Variants in ARHGAP33 observed in about 807,000 individuals in gnomAD.
ARHGAP33 encodes the protein rho GTPase-activating protein 33.
Under a neutral mutation model 126.2 loss-of-function variants are expected in ARHGAP33, and 57 were observed. The ratio of observed to expected loss-of-function variants is 0.45; its 90% confidence interval spans 0.36 to 0.56. The LOEUF (loss-of-function observed/expected upper bound fraction) is 0.56. ARHGAP33 is among the 20% of genes least tolerant of loss of function. The pLI, the probability that ARHGAP33 is intolerant of heterozygous loss-of-function variation, is 0.00. For synonymous variants in ARHGAP33, 711 were observed against 755.0 expected (o/e 0.94, Z 0.95); for missense variants, 1,500 against 1,748.3 (o/e 0.86, Z 2.53).
chr19:35,786,685 G>A lies in ARHGAP33; in HGVS notation c.2215G>A (p.Asp739Asn). The change falls in exon 20 of 21, where the codon GAC becomes AAC. Residue 739 changes from aspartate (D) to asparagine (N), a missense_variant. By Grantham distance (23) the Asp-to-Asn change is conservative (BLOSUM62 1). Coordinates refer to ENST00000007510, the MANE Select transcript of ARHGAP33 (RefSeq NM_001366178.1). The surrounding 1 kb of genome is among the most constrained non-coding windows in gnomAD (Gnocchi z 7.0). The part of the protein sequence containing the change: ...PRCLEGLRGL[D>N]FDPLTFRCSS... ...CTGCCTGGAGGGACTCCGGGGGCTG[G>A]ACTTTGATCCCTTAACCTTCCGCTG... The A allele has an allele frequency of 6.5e-7, 1 of 1,535,618 alleles. No individual in the cohort carries two copies. The highest frequency in any genetic ancestry group is 1.2e-5 in the South Asian group (1 of 84,046).
chr19:35,785,214 C>G lies in ARHGAP33; in HGVS notation c.1747C>G (p.Gln583Glu). Residue 583 changes from glutamine (Q) to glutamate (E), a missense_variant, in exon 18 of 21, where the codon CAG becomes GAG. Coordinates refer to ENST00000007510, the MANE Select transcript of ARHGAP33 (RefSeq NM_001366178.1). ...GAGGAAAGGGGAGAGAGGGGAGAAG[C>G]AGCGGAAGCCAGGGGGCAGCAGCTG... Reference protein sequence around the residue: ...ERRKGERGEKQRKPGGSSWKT... With the variant: ...ERRKGERGEKERKPGGSSWKT... 1 of 1,578,566 alleles carries G rather than the reference C, an allele frequency of 6.3e-7. No homozygotes were observed. Among genetic ancestry groups the G allele is most frequent in the Non-Finnish European group, 8.6e-7 (1 of 1,159,066 alleles).
chr19:35,784,115 C>T, intron 15 of ARHGAP33, 57 bp from the exon 16 acceptor site: 1 of 1,518,454 alleles, frequency 6.6e-7, no homozygotes, highest in South Asian at 1.2e-5. Context: ...ATTGCCCTGC[C>T]AGAACCTGCT....
Position 35,787,874 on chromosome 19 carries a change from C to T in ARHGAP33, c.3309C>T (p.Ser1103=). 6.2e-7 allele frequency: 1 copy of T among 1,610,640 alleles called. No individual in the cohort carries two copies. The highest frequency in any genetic ancestry group is 1.3e-5 in the African/African-American group (1 of 74,798). The change falls in exon 21 of 21, where the codon TCC becomes TCT. Residue 1103 remains serine, a synonymous_variant. Coordinates refer to ENST00000007510, the MANE Select transcript of ARHGAP33 (RefSeq NM_001366178.1). ...CCCCCTATTCTGGCCCCACCCGCTC[C>T]TGGAGTCCCTTTCGCTCCATGCCCC... ...EGSPYSGPTR[S]WSPFRSMPPD...
chr19:35,788,056 C>T lies in ARHGAP33; in HGVS notation c.3491C>T (p.Pro1164Leu), dbSNP rs149921370. ...APQHPARRPT[P>L]PEPLYVNLAL... ...CAGCACCCTGCTCGGCGCCCTACAC[C>T]GCCTGAGCCCCTCTACGTCAACCTA... is the stretch of plus-strand genomic sequence containing the variant. The change falls in exon 21 of 21, where the codon CCG (proline) becomes CTG (leucine). Residue 1164 changes from proline to leucine, a missense_variant. This residue lies in a region of ARHGAP33 where 642 missense variants were observed against 634.0 expected (regional missense o/e 1.01). Coordinates refer to ENST00000007510, the MANE Select transcript of ARHGAP33 (RefSeq NM_001366178.1). 1.7e-5 allele frequency: 28 copies of T among 1,611,406 alleles called. No homozygotes were observed. The highest frequency in any genetic ancestry group is 3.3e-5 in the South Asian group (3 of 90,980).
Position 35,781,002 on chromosome 19 carries a change from G to T in ARHGAP33, c.912G>T (p.Gln304His). Residue 304 changes from glutamine (Q) to histidine (H), a missense_variant, in exon 11 of 21, where the codon CAG becomes CAT. By Grantham distance (24) the Gln-to-His change is conservative. Transcript: ENST00000007510. ...GCCCTTCTCGGCAGCGGCTGCGGCAGCGGGGAATCCTGCGACAGAGGGTGT... is the reference window on the plus strand; with the variant it reads ...GCCCTTCTCGGCAGCGGCTGCGGCATCGGGGAATCCTGCGACAGAGGGTGT... ...RSRPSRQRLRQRGILRQRVFG... is the reference protein window; with the variant it reads ...RSRPSRQRLRHRGILRQRVFG... 1 of 1,611,830 alleles carries T rather than the reference G, an allele frequency of 6.2e-7. No individual in the cohort carries two copies. Among genetic ancestry groups the T allele is most frequent in the Non-Finnish European group, 8.5e-7 (1 of 1,179,898 alleles).
intron 16 of ARHGAP33, chr19:35,784,726 C>T: frequency 8.1e-6 from 11 of 1,351,116 alleles, no homozygotes; most frequent in Non-Finnish European, 9.4e-6. Flanking sequence ...GCCAGAGCCG[C>T]TGCCCTCGCT....
In ARHGAP33 at chr19:35,787,540, G is replaced by A. The variant is rs760070364; in HGVS notation, c.2975G>A (p.Gly992Glu). The change falls in exon 21 of 21, where the codon GGA (glycine) becomes GAA (glutamate). Residue 992 changes from glycine to glutamate, a missense_variant. Transcript: ENST00000007510. ...CGGCCCATGGGGACCTCAAGGAGGG[G>A]ACTCCGAGGCCCTGCCCAGGTCAGT... Reference protein sequence around the residue: ...SQRPMGTSRRGLRGPAQVSAQ... With the variant: ...SQRPMGTSRRELRGPAQVSAQ... 6.2e-7 allele frequency: 1 copy of A among 1,611,970 alleles called. No individual in the cohort carries two copies. The highest frequency in any genetic ancestry group is 2.2e-5 in the East Asian group (1 of 44,868).
In ARHGAP33 at chr19:35,787,746, C is replaced by G. The variant is rs1432047872; in HGVS notation, c.3181C>G (p.Gln1061Glu). The stretch of plus-strand genomic sequence containing the variant: ...GTACCCCCTGGGCCCCCCATCCTTC[C>G]AGCCCAGTTCCCCAGCCCCAGTCTG... Reference protein sequence around the residue: ...GLYPLGPPSFQPSSPAPVWRS... With the variant: ...GLYPLGPPSFEPSSPAPVWRS... Residue 1061 changes from glutamine to glutamate, a missense_variant, in exon 21 of 21, where the codon CAG becomes GAG. Physicochemically the swap from Gln to Glu is conservative, Grantham distance 29. Around this residue, in one of 6 missense-constraint regions of ARHGAP33, gnomAD observed 642 missense variants for 634.0 expected, o/e 1.01. Transcript: ENST00000007510. 3.8e-6 allele frequency: 6 copies of G among 1,583,554 alleles called. No individual in the cohort carries two copies. Among genetic ancestry groups the G allele is most frequent in the Admixed American group, 4.0e-5 (2 of 49,844 alleles).
chr19:35,787,083 A>C lies in ARHGAP33; in HGVS notation c.2602+11A>C. The C allele has an allele frequency of 4.4e-6, 7 of 1,599,586 alleles. No individual in the cohort carries two copies. In the South Asian group the frequency reaches 6.7e-5, roughly 15 times the overall value. On this transcript the variant is annotated intron_variant, in intron 20 of 20. Coordinates refer to ENST00000007510, the MANE Select transcript of ARHGAP33 (RefSeq NM_001366178.1). ...CCCAGGGCCCACTCGGTGAGTCCTC[A>C]GCCTACCCCACCCCTGTCCCCGCCA...
At chr19:35,781,349 T>G in intron 12 of ARHGAP33, 97 bp downstream of exon 12, 1 of 1,256,150 alleles carries the variant, frequency 8.0e-7, no homozygotes, top group Non-Finnish European at 1.2e-6. Context: ...TTACCAGGAG[T>G]CAGGAGTGGC....
chr19:35,784,051 A>C (rs1479586656), intron 15 of ARHGAP33, 121 bp from the exon 16 acceptor site: 1 of 750,286 alleles, frequency 1.3e-6, no homozygotes, highest in East Asian at 3.0e-5. Context: ...AGGCGTGATC[A>C]GTTTGAGGTC....
Position 35,782,430 on chromosome 19 carries a change from C to T in ARHGAP33, c.1143C>T (p.Asp381=). 2.5e-6 allele frequency: 4 copies of T among 1,613,344 alleles called. No homozygotes were observed. The South Asian group carries it at 3.3e-5, about 13-fold the overall frequency. ...PELSGPAFLQ[D]IHSVSSLCKL... is the part of the protein sequence containing the mutation. ...TGTCTGGCCCTGCATTCCTGCAGGA[C>T]ATCCACAGCGTGTCCTCCCTCTGCA... Residue 381 remains aspartate, a synonymous_variant, in exon 13 of 21, where the codon GAC becomes GAT. Transcript: ENST00000007510. The surrounding 1 kb of genome is among the most constrained non-coding windows in gnomAD (Gnocchi z 4.1).
At position 35,786,436 on chromosome 19, in the gene ARHGAP33, C is replaced by T. The variant is rs749291758; in HGVS notation, c.1966C>T (p.Arg656Trp). The T allele has an allele frequency of 7.8e-6, 12 of 1,534,172 alleles. No individual in the cohort carries two copies. Among genetic ancestry groups the T allele is most frequent in the South Asian group, 2.4e-5 (2 of 83,804 alleles). ...GAGLQRLHRL[R>W]RPHSSSDAFP... ...AGGCCTCCAGAGGCTGCACAGGCTG[C>T]GGCGACCCCACTCCAGCAGCGACGC... Residue 656 changes from arginine to tryptophan, a missense_variant, in exon 20 of 21, where the codon CGG becomes TGG. Around this residue, in one of 6 missense-constraint regions of ARHGAP33, gnomAD observed 300 missense variants for 291.1 expected, o/e 1.03. Coordinates refer to ENST00000007510, the MANE Select transcript of ARHGAP33 (RefSeq NM_001366178.1). The surrounding 1 kb of genome is among the most constrained non-coding windows in gnomAD (Gnocchi z 7.0).
In ARHGAP33 at chr19:35,787,946, A is replaced by T. The variant is rs778136139; in HGVS notation, c.3381A>T (p.Pro1127=). The change falls in exon 21 of 21, where the codon CCA becomes CCT. Residue 1127 remains proline (P), a synonymous_variant. Transcript: ENST00000007510. The part of the protein sequence containing the change: ...ASYGMLGQSP[P]LHRSPDFLLS... ...ACGGCATGCTTGGCCAATCACCCCC[A>T]CTCCACAGGTCCCCCGACTTCCTGC... 10 of 862,748 alleles carry T rather than the reference A, an allele frequency of 1.2e-5. No homozygotes were observed. Among genetic ancestry groups the T allele is most frequent in the Admixed American group, 4.2e-5 (1 of 23,730 alleles). 53.4% of individuals were successfully genotyped at this position (862,748 alleles called of 1,614,324 possible). A position where few individuals can be genotyped will look rare whatever the true frequency, so the allele number is the denominator to read the frequency against.
Position 35,786,969 on chromosome 19 carries a change from C to T in ARHGAP33, c.2499C>T (p.Arg833=). Residue 833 remains arginine (R), a synonymous_variant, in exon 20 of 21, where the codon CGC becomes CGT. Coordinates refer to ENST00000007510, the MANE Select transcript of ARHGAP33 (RefSeq NM_001366178.1). The surrounding 1 kb of genome is among the most constrained non-coding windows in gnomAD (Gnocchi z 7.0). ...CTCTCAGCCCCGGCCGGAGCCTGCG[C>T]CCCCATCTCATACCCCTGCTGCTGC... ...TPALSPGRSL[R]PHLIPLLLRG... 6.2e-7 allele frequency: 1 copy of T among 1,610,676 alleles called. No homozygotes were observed. The highest frequency in any genetic ancestry group is 8.5e-7 in the Non-Finnish European group (1 of 1,179,200).
At chr19:35,780,673 G>T (rs374029311) in intron 9 of ARHGAP33, 25 bp downstream of exon 9, 20 of 1,591,770 alleles carry the variant, frequency 1.3e-5, no homozygotes, top group South Asian at 6.6e-5. Context: ...TGGATGGGAG[G>T]TGTGGGGAGG....
rs945967952 is a variant in ARHGAP33 at position 35,782,273 on chromosome 19, T to C, written c.1086-100T>C. 7 of 1,394,824 alleles carry C rather than the reference T, an allele frequency of 5.0e-6. 1 individual carries two copies. In the South Asian group the frequency reaches 5.2e-5, roughly 10 times the overall value. The allele number at this position is 1,394,824 out of a possible 1,614,324, so 86.4% of individuals were successfully genotyped here. On this transcript the variant is annotated intron_variant, in intron 12 of 20. Transcript: ENST00000007510. The surrounding 1 kb of genome is among the most constrained non-coding windows in gnomAD (Gnocchi z 4.1). ...GTAGGACCTGGGGAAGAGGGTTCCA[T>C]CCACCTGCGGGCACTTGGGGGTAGG...
rs1972124666 is a variant in ARHGAP33 at position 35,786,630 on chromosome 19, T to G, written c.2160T>G (p.Asp720Glu). ...PSHRTSAWLD[D>E]GDELDFSPPR... ...ACCGTACCTCAGCCTGGCTAGATGA[T>G]GGTGATGAGCTGGACTTCAGCCCAC... The change falls in exon 20 of 21, where the codon GAT becomes GAG. Residue 720 changes from aspartate (D) to glutamate (E), a missense_variant. Asp to Glu is a conservative substitution (Grantham distance 45). Transcript: ENST00000007510. The surrounding 1 kb of genome is among the most constrained non-coding windows in gnomAD (Gnocchi z 7.0). 2.6e-6 allele frequency: 4 copies of G among 1,535,810 alleles called. No individual in the cohort carries two copies. The highest frequency in any genetic ancestry group is 3.5e-6 in the Non-Finnish European group (4 of 1,146,770).
intron 16 of ARHGAP33, 56 bp downstream of exon 16, chr19:35,784,373 A>T: frequency 6.7e-7 from 1 of 1,486,092 alleles, no homozygotes; most frequent in Non-Finnish European, 9.0e-7. Context: ...TCAGGGCTGC[A>T]GGGGGAGGGC....
Sources: gnomAD v4.1 joint callset for allele counts on GRCh38, gnomAD v4.1.1 for gene constraint, gnomAD v4.1.1 regional missense constraint, Gnocchi (gnomAD v3.1) non-coding constraint, MANE v1.5 for transcripts, NCBI Gene and HGNC (gene_info 2026-07-23, HGNC 2026-07-21) for gene names.